Variants in RAPGEF1 observed in about 807,000 individuals in gnomAD.
RAPGEF1 encodes Rap guanine nucleotide exchange factor 1, also known as CRK SH3-binding GNRP.
RAPGEF1 carries 33 observed loss-of-function variants against 143.3 expected under a neutral mutation model. That is an observed-to-expected ratio of 0.23 (90% CI 0.17 to 0.31). RAPGEF1 has a LOEUF of 0.31. Among genes scored for constraint, RAPGEF1 ranks in the 10% least tolerant of loss-of-function variants. The pLI, the probability that RAPGEF1 is intolerant of heterozygous loss-of-function variation, is 1.00. For synonymous variants in RAPGEF1, 629 were observed against 676.5 expected (o/e 0.93, Z 1.09); for missense variants, 1,199 against 1,645.4 (o/e 0.73, Z 4.69).
chr9:131,651,162 G>A (rs1439123856), intron 1 of RAPGEF1, among the ~76,000 whole-genome samples: 1 of 152,164 alleles, frequency 6.6e-6, no homozygotes, highest in Non-Finnish European at 1.5e-5. Flanking sequence ...GAAATCAAAG[G>A]CAGTCCAAAT....
intron 3 of RAPGEF1, among the ~76,000 whole-genome samples, chr9:131,645,754 C>T (rs894156240): frequency 6.6e-6 from 1 of 152,208 alleles, no homozygotes; most frequent in African/African-American, 2.4e-5. Flanking sequence ...CAGGTGCGTT[C>T]ACCTGCGCAC....
intron 1 of RAPGEF1, among the ~76,000 whole-genome samples, chr9:131,684,585 C>T (rs1396563206): frequency 6.6e-6 from 1 of 152,194 alleles, no homozygotes; most frequent in African/African-American, 2.4e-5. Context: ...GCATTATTAA[C>T]TTTAAATTTT....
chr9:131,687,311 C>A lies in RAPGEF1; in HGVS notation c.62-36362G>T, dbSNP rs551462035. Among the ~76,000 whole-genome samples, 21 of 152,310 alleles carry A rather than the reference C, an allele frequency of 1.4e-4. 1 individual carries two copies. The South Asian group carries it at 4.3e-3, about 32-fold the overall frequency. On this transcript the variant is annotated intron_variant, in intron 1 of 26. Coordinates refer to ENST00000683357, the MANE Select transcript of RAPGEF1 (RefSeq NM_001377935.1). Reference sequence around the variant, plus strand: ...GTTCAAGCAAATCTCCTGCCTCAGCCTCCCAAGTAGCTGGGACTACAAGCG... The same window carrying A: ...GTTCAAGCAAATCTCCTGCCTCAGCATCCCAAGTAGCTGGGACTACAAGCG...
At chr9:131,717,914 GGGATAGGGAGCAAAGGACACA>G (rs1835973627) in intron 1 of RAPGEF1, among the ~76,000 whole-genome samples, 1 of 152,180 alleles carries the variant, frequency 6.6e-6, no homozygotes, top group African/African-American at 2.4e-5. Flanking sequence ...GAGGCAGCTA[GGGATAGGGAGCAAAGGACACA>G]GGAAGAGGAA....
Position 131,588,953 on chromosome 9 carries a change from C to T in RAPGEF1, c.2901G>A (p.Leu967=), listed in dbSNP as rs370347353. The part of the protein sequence containing the change: ...LVELTEEILK[L]LMELVFRLVC... Reference sequence around the variant, plus strand: ...CCAGGCGGAAGACCAGTTCCATCAGCAGCTTCAGGATCTCTTCTGTCAACT... The same window carrying T: ...CCAGGCGGAAGACCAGTTCCATCAGTAGCTTCAGGATCTCTTCTGTCAACT... The change falls in exon 20 of 27, where the codon CTG becomes CTA. Residue 967 remains leucine, a synonymous_variant. Coordinates refer to ENST00000683357, the MANE Select transcript of RAPGEF1 (RefSeq NM_001377935.1). 6.2e-7 allele frequency: 1 copy of T among 1,613,746 alleles called. No individual in the cohort carries two copies. The highest frequency in any genetic ancestry group is 1.3e-5 in the African/African-American group (1 of 74,924).
In RAPGEF1 at chr9:131,650,675, G is replaced by C; in HGVS notation, c.201+135C>G. The C allele has an allele frequency of 1.5e-6, 2 of 1,320,742 alleles. No individual in the cohort carries two copies. The highest frequency in any genetic ancestry group is 1.0e-6 in the Non-Finnish European group (1 of 958,408). 81.8% of individuals were successfully genotyped at this position (1,320,742 alleles called of 1,614,324 possible). The stretch of plus-strand genomic sequence containing the variant: ...TTCTTATTTTACAAGGACACCAAAG[G>C]TCCCGCCCATGGAATGCTACGAAGT... On this transcript the variant is annotated intron_variant, in intron 2 of 26. Coordinates refer to ENST00000683357, the MANE Select transcript of RAPGEF1 (RefSeq NM_001377935.1). The surrounding 1 kb of genome is among the most constrained non-coding windows in gnomAD (Gnocchi z 4.7).
chr9:131,737,819 G>A (rs909799435), intron 1 of RAPGEF1, among the ~76,000 whole-genome samples: 8 of 152,048 alleles, frequency 5.3e-5, no homozygotes, highest in Admixed American at 2.0e-4. Context: ...AAAAAAATTT[G>A]CCAGGCGTGG....
chr9:131,619,428 A>C lies in RAPGEF1; in HGVS notation c.1906-222T>G, dbSNP rs145120597. The stretch of plus-strand genomic sequence containing the variant: ...CTTCATTTCCTTACACTAGATCCTA[A>C]AAATTGTGTCCACTGGAAGCAGGTT... On this transcript the variant is annotated intron_variant, in intron 11 of 26. Coordinates refer to ENST00000683357, the MANE Select transcript of RAPGEF1 (RefSeq NM_001377935.1). 2.6e-5 allele frequency among the ~76,000 whole-genome samples: 4 copies of C among 152,282 alleles called. No homozygotes were observed. The East Asian group carries it at 7.7e-4, about 29-fold the overall frequency.
At chr9:131,681,955 A>C (rs1231944786) in intron 1 of RAPGEF1, among the ~76,000 whole-genome samples, 3 of 152,196 alleles carry the variant, frequency 2.0e-5, no homozygotes, top group African/African-American at 7.2e-5. Flanking sequence ...TTAGCTTTCG[A>C]CAATGCTAAT....
Position 131,619,103 on chromosome 9 carries a change from A to C in RAPGEF1, c.2009T>G (p.Val670Gly). ...EDGSAAQGLS[V>G]SVSNSFLSRH... ...GCTGAGAAAGGAGTTAGAGACGGAC[A>C]CACTGAGGCCCTGAGCGGCACTGCC... The change falls in exon 12 of 27, where the codon GTG (valine) becomes GGG (glycine). Residue 670 changes from valine to glycine, a missense_variant. Around this residue, in one of 6 missense-constraint regions of RAPGEF1, gnomAD observed 293 missense variants for 356.2 expected, o/e 0.82. Transcript: ENST00000683357. 7.4e-7 allele frequency: 1 copy of C among 1,353,638 alleles called. No homozygotes were observed. The allele number at this position is 1,353,638 out of a possible 1,614,324, so 83.9% of individuals were successfully genotyped here. A position where few individuals can be genotyped will look rare whatever the true frequency, so the allele number is the denominator to read the frequency against.
rs893752079 is a variant in RAPGEF1, at chr9:131,626,119, T to C, written c.1505A>G (p.Tyr502Cys). The change falls in exon 10 of 27, where the codon TAT becomes TGT. Residue 502 changes from tyrosine to cysteine, a missense_variant. Tyr to Cys is a radical substitution (Grantham distance 194). Transcript: ENST00000683357. ...RVSYERHPSQ[Y>C]DNISGEDLQS... ...CAGGTCCTCCCCAGAGATGTTGTCA[T>C]ACTGCGAGGGATGCCGCTCGTAGGA... The C allele has an allele frequency of 6.2e-7, 1 of 1,613,784 alleles. No individual in the cohort carries two copies. Among genetic ancestry groups the C allele is most frequent in the Admixed American group, 1.7e-5 (1 of 59,996 alleles).
chr9:131,650,097 G>T lies in RAPGEF1; in HGVS notation c.315+32C>A. The T allele has an allele frequency of 6.4e-7, 1 of 1,554,922 alleles. No individual in the cohort carries two copies. The highest frequency in any genetic ancestry group is 2.2e-5 in the East Asian group (1 of 44,464). ...CCAGGATTCTGCAGTAGAAGGCAAG[G>T]CAAACCCAATTGTTCTTAATGTTAC... On this transcript the variant is annotated intron_variant, in intron 3 of 26. Coordinates refer to ENST00000683357, the MANE Select transcript of RAPGEF1 (RefSeq NM_001377935.1). The surrounding 1 kb of genome is among the most constrained non-coding windows in gnomAD (Gnocchi z 4.7).
In RAPGEF1 at chr9:131,739,917, G is replaced by A; in HGVS notation, c.-87C>T. On this transcript the variant is annotated 5_prime_UTR_variant, in exon 1 of 27. Transcript: ENST00000683357. ...CTGGCTCGCCACGCCTCAGACCCGC[G>A]CCGGCATGGCGGGCTCCGCGCGGCC... The A allele has an allele frequency of 1.3e-6, 1 of 787,046 alleles. No homozygotes were observed. The allele number at this position is 787,046 out of a possible 1,614,324, so 48.8% of individuals were successfully genotyped here.
chr9:131,628,700 A>G lies in RAPGEF1; in HGVS notation c.894-28T>C. 1.9e-6 allele frequency: 3 copies of G among 1,566,742 alleles called. No individual in the cohort carries two copies. Among genetic ancestry groups the G allele is most frequent in the Non-Finnish European group, 2.6e-6 (3 of 1,151,002 alleles). On this transcript the variant is annotated intron_variant, in intron 7 of 26. Coordinates refer to ENST00000683357, the MANE Select transcript of RAPGEF1 (RefSeq NM_001377935.1). The surrounding 1 kb of genome is among the most constrained non-coding windows in gnomAD (Gnocchi z 5.7). ...GAAACAGACCGAAACGTCCAGGCAG[A>G]CCAAACCACACTCACCAAAGCTCTT...
chr9:131,682,266 T>A (rs1832976212), intron 1 of RAPGEF1, among the ~76,000 whole-genome samples: 1 of 152,278 alleles, frequency 6.6e-6, no homozygotes, highest in South Asian at 2.1e-4. Flanking sequence ...AACATTGGGC[T>A]AATCAGTGTC....
intron 1 of RAPGEF1, among the ~76,000 whole-genome samples, chr9:131,736,809 C>A (rs1837448081): frequency 1.3e-5 from 2 of 152,302 alleles, no homozygotes; most frequent in Non-Finnish European, 2.9e-5. Context: ...GTTTCTGTTG[C>A]TTTGAGATAA....
intron 22 of RAPGEF1, among the ~76,000 whole-genome samples, chr9:131,586,377 C>CA (rs1459549679): frequency 9.0e-6 from 1 of 110,572 alleles, no homozygotes; most frequent in African/African-American, 3.8e-5. Flanking sequence ...CACACACCCA[C>CA]CTGCAGAGCG....
intron 10 of RAPGEF1, among the ~76,000 whole-genome samples, chr9:131,622,500 G>A (rs1961441443): frequency 6.6e-6 from 1 of 152,234 alleles, no homozygotes; most frequent in Non-Finnish European, 1.5e-5. Flanking sequence ...GAGGAAGACA[G>A]TCACAGAGGT....
At chr9:131,723,606 T>C (rs543578555) in intron 1 of RAPGEF1, among the ~76,000 whole-genome samples, 2 of 152,362 alleles carry the variant, frequency 1.3e-5, no homozygotes, top group South Asian at 4.1e-4. Context: ...CATGTCAGAA[T>C]GTCCTTCCTT....
Sources: allele counts gnomAD v4.1 joint callset (sites outside exome capture counted in the v4.1 genomes callset), GRCh38; gene constraint gnomAD v4.1.1; regional missense constraint gnomAD v4.1.1; non-coding constraint Gnocchi (gnomAD v3.1); transcripts MANE v1.5; gene names NCBI Gene and HGNC (gene_info 2026-07-23, HGNC 2026-07-21).